Variants in CNTLN observed in about 807,000 individuals in gnomAD.
CNTLN encodes the protein centlein, also known as centlein, centrosomal protein.
Under a neutral mutation model 180.0 loss-of-function variants are expected in CNTLN, and 212 were observed. That is an observed-to-expected ratio of 1.18 (90% CI 1.05 to 1.32). The LOEUF (loss-of-function observed/expected upper bound fraction) is 1.32. CNTLN is among the 40% of genes most tolerant of loss of function. The pLI, the probability that CNTLN is intolerant of heterozygous loss-of-function variation, is 0.00. For synonymous variants in CNTLN, 722 were observed against 563.1 expected, an observed-to-expected ratio of 1.28 and a Z score of -3.99; for missense variants, 2,095 against 1,610.9, an observed-to-expected ratio of 1.30 and a Z score of -5.14.
chr9:17,260,779 G>T (rs1395701741), intron 5 of CNTLN, among the ~76,000 whole-genome samples: 2 of 151,340 alleles, frequency 1.3e-5, no homozygotes, highest in East Asian at 3.9e-4. Context: ...GTCCAGAATG[G>T]TATTGCCTAG....
intron 2 of CNTLN, among the ~76,000 whole-genome samples, chr9:17,195,643 A>T (rs1342008460): frequency 6.6e-6 from 1 of 152,204 alleles, no homozygotes. Context: ...TGTGCCCAGC[A>T]TTCTGCCAGT....
At chr9:17,349,455 T>C (rs542567846) in intron 12 of CNTLN, among the ~76,000 whole-genome samples, 1 of 152,302 alleles carries the variant, frequency 6.6e-6, no homozygotes, top group South Asian at 2.1e-4. Flanking sequence ...CAACTGAATT[T>C]AAATAGTACT....
intron 6 of CNTLN, among the ~76,000 whole-genome samples, chr9:17,287,191 A>G (rs1319261411): frequency 6.6e-6 from 1 of 150,674 alleles, no homozygotes; most frequent in Non-Finnish European, 1.5e-5. Flanking sequence ...ATCAATACCT[A>G]ATTTATTGAG....
At chr9:17,492,066 C>G (rs1040322441) in intron 25 of CNTLN, among the ~76,000 whole-genome samples, 17 of 152,088 alleles carry the variant, frequency 1.1e-4, no homozygotes, top group Non-Finnish European at 2.9e-5. Context: ...CTCAGTAACC[C>G]ATACAGAATT....
chr9:17,442,193 C>T (rs1830151011), intron 18 of CNTLN, among the ~76,000 whole-genome samples: 1 of 152,294 alleles, frequency 6.6e-6, no homozygotes, highest in Middle Eastern at 3.4e-3. Context: ...GTAGAGAATA[C>T]TCTACCCAAC....
chr9:17,354,587 C>CTG (rs1822666580), intron 12 of CNTLN, among the ~76,000 whole-genome samples: 1 of 152,090 alleles, frequency 6.6e-6, no homozygotes, highest in Non-Finnish European at 1.5e-5. Flanking sequence ...CTTGGAGAAC[C>CTG]TGTGTGTGGA....
At chr9:17,205,938 T>C (rs1193677379) in intron 2 of CNTLN, among the ~76,000 whole-genome samples, 1 of 152,192 alleles carries the variant, frequency 6.6e-6, no homozygotes, top group Non-Finnish European at 1.5e-5. Flanking sequence ...GTTCAAGCCT[T>C]GCAATGAGAG....
At chr9:17,164,455 A>G (rs376438610) in intron 2 of CNTLN, among the ~76,000 whole-genome samples, 3 of 88,230 alleles carry the variant, frequency 3.4e-5, no homozygotes, top group African/African-American at 1.3e-4. Context: ...CCTTATTTTT[A>G]TGTTTTTTTT....
At chr9:17,192,225 A>T (rs768194925) in intron 2 of CNTLN, among the ~76,000 whole-genome samples, 7 of 150,222 alleles carry the variant, frequency 4.7e-5, no homozygotes, top group Non-Finnish European at 8.9e-5. Flanking sequence ...TAGCCCTCTG[A>T]GGTAGGCCCT....
intron 2 of CNTLN, among the ~76,000 whole-genome samples, chr9:17,196,232 C>T (rs1235068465): frequency 6.6e-6 from 1 of 152,106 alleles, no homozygotes; most frequent in East Asian, 1.9e-4. Flanking sequence ...TCATCTTGGT[C>T]AGGCTAGTCT....
intron 5 of CNTLN, among the ~76,000 whole-genome samples, chr9:17,268,766 T>A (rs1311711849): frequency 2.6e-5 from 4 of 152,130 alleles, no homozygotes; most frequent in African/African-American, 9.6e-5. Flanking sequence ...CCAGCCTCGC[T>A]GCCACCTTGC....
intron 12 of CNTLN, among the ~76,000 whole-genome samples, chr9:17,346,455 G>A (rs1212716378): frequency 6.6e-6 from 1 of 152,150 alleles, no homozygotes; most frequent in African/African-American, 2.4e-5. Context: ...TTTGGGTGGG[G>A]ACACAGCTAG....
chr9:17,381,381 C>G (rs754796726), intron 13 of CNTLN, among the ~76,000 whole-genome samples: 21 of 152,200 alleles, frequency 1.4e-4, no homozygotes, highest in Non-Finnish European at 2.5e-4. Context: ...CCAGCAATAA[C>G]CAAACTCATA....
intron 1 of CNTLN, among the ~76,000 whole-genome samples, chr9:17,137,655 T>TA: frequency 6.6e-6 from 1 of 152,288 alleles, no homozygotes; most frequent in South Asian, 2.1e-4. Flanking sequence ...GCTTGAAACA[T>TA]ACAGTTTAGG....
chr9:17,207,268 G>C (rs1822990721), intron 2 of CNTLN, among the ~76,000 whole-genome samples: 1 of 152,168 alleles, frequency 6.6e-6, no homozygotes, highest in African/African-American at 2.4e-5. Context: ...ATTTATGTGA[G>C]ATAAAGCTTG....
At chr9:17,170,924 A>G (rs905572237) in intron 2 of CNTLN, among the ~76,000 whole-genome samples, 4 of 152,104 alleles carry the variant, frequency 2.6e-5, no homozygotes, top group African/African-American at 9.7e-5. Context: ...AGTTGCCTAT[A>G]GTATTCAGTA....
At chr9:17,135,488 C>T in intron 1 of CNTLN, 63 bp downstream of exon 1, 3 of 1,519,264 alleles carry the variant, frequency 2.0e-6, no homozygotes, top group South Asian at 1.3e-5. Flanking sequence ...CGTGGGGAGG[C>T]GCGCCTTTCT....
rs183017933 is a variant in CNTLN, at chr9:17,385,577, C to A, written c.1988-2585C>A. ...GGTTTTAGAAACTATGTTTCAGGAA[C>A]TGGGGACAAAATCCAAATACAGTGG... On this transcript the variant is annotated intron_variant, in intron 13 of 25. Transcript: ENST00000380647. Among the ~76,000 whole-genome samples, 316 of 152,256 alleles carry A rather than the reference C, an allele frequency of 2.1e-3. 1 individual carries two copies. The highest frequency in any genetic ancestry group is 0.014 in the East Asian group (75 of 5,174).
intron 7 of CNTLN, chr9:17,299,630 C>G (rs1357725413): frequency 5.1e-6 from 5 of 985,242 alleles, no homozygotes; most frequent in Non-Finnish European, 6.0e-6. Flanking sequence ...ATACAGTCTT[C>G]CACTTCAGCT....
Sources: allele counts gnomAD v4.1 joint callset (sites outside exome capture counted in the v4.1 genomes callset), GRCh38; gene constraint gnomAD v4.1.1; transcripts MANE v1.5; gene names NCBI Gene and HGNC (gene_info 2026-07-23, HGNC 2026-07-21).